VEPH1: variants seen among roughly 807,000 people sequenced by gnomAD.
VEPH1 encodes ventricular zone expressed PH domain containing 1, also known as ventricular zone-expressed PH domain-containing protein homolog 1.
Under a neutral mutation model 85.2 loss-of-function variants are expected in VEPH1, and 80 were observed. The observed-to-expected ratio is 0.94, with a 90% CI of 0.78 to 1.13. VEPH1 has a LOEUF of 1.13. Ranked by LOEUF, VEPH1 falls within the 50% of genes most tolerant of loss-of-function variation. The pLI is 0.00. For missense variants in VEPH1, 955 were observed against 980.5 expected (o/e 0.97, Z 0.35); for synonymous variants, 297 against 348.0 (o/e 0.85, Z 1.63).
intron 7 of VEPH1, among the ~76,000 whole-genome samples, chr3:157,373,667 C>T (rs1727760598): frequency 6.6e-6 from 1 of 152,186 alleles, no homozygotes; most frequent in Admixed American, 6.5e-5. Flanking sequence ...CTTACCTCTT[C>T]TCCCACAAAC....
rs571940235 is a variant in VEPH1, at chr3:157,440,629, TATAC to T, written c.530-12145_530-12142del. Among the ~76,000 whole-genome samples the T allele has an allele frequency of 6.3e-4, 96 of 152,154 alleles. 1 individual carries two copies. The highest frequency in any genetic ancestry group is 2.2e-3 in the African/African-American group (92 of 41,522). ...ACACATTTATATACATATATGTATG[TATAC>T]ATACATACATATCCATATGTATATA... is the stretch of plus-strand genomic sequence containing the variant. On this transcript the variant is annotated intron_variant, in intron 4 of 13. Transcript: ENST00000362010.
intron 9 of VEPH1, among the ~76,000 whole-genome samples, chr3:157,352,546 A>G (rs930456105): frequency 6.6e-6 from 1 of 152,234 alleles, no homozygotes; most frequent in Non-Finnish European, 1.5e-5. Context: ...AACTATGAAC[A>G]ATCTGGCTTA....
At chr3:157,372,304 A>C (rs944786254) in intron 7 of VEPH1, among the ~76,000 whole-genome samples, 1 of 152,236 alleles carries the variant, frequency 6.6e-6, no homozygotes, top group African/African-American at 2.4e-5. Context: ...GATATACTTA[A>C]TCAAAAACAC....
rs111927722 is a variant in VEPH1 at position 157,265,642 on chromosome 3, G to C, written c.2149C>G (p.Pro717Ala). The change falls in exon 13 of 14, where the codon CCT becomes GCT. Residue 717 changes from proline (P) to alanine (A), a missense_variant. Transcript: ENST00000362010. ...TCTTTAAGTTTTCCTTCTATGAGAGGCTGGCCATCTTGATTTACAACTGTT... is the reference window on the plus strand; with the variant it reads ...TCTTTAAGTTTTCCTTCTATGAGAGCCTGGCCATCTTGATTTACAACTGTT... Reference protein sequence around the residue: ...KATVVNQDGQPLIEGKLKEKQ... With the variant: ...KATVVNQDGQALIEGKLKEKQ... 2 of 1,613,192 alleles carry C rather than the reference G, an allele frequency of 1.2e-6. No homozygotes were observed.
At chr3:157,480,020 C>A (rs577964605) in intron 2 of VEPH1, among the ~76,000 whole-genome samples, 1 of 136,544 alleles carries the variant, frequency 7.3e-6, no homozygotes, top group African/African-American at 2.8e-5. Flanking sequence ...TCTTTCTTTT[C>A]TCTTTCTTTC....
At chr3:157,362,099 C>T (rs1438936819) in intron 9 of VEPH1, among the ~76,000 whole-genome samples, 3 of 151,872 alleles carry the variant, frequency 2.0e-5, no homozygotes, top group Admixed American at 6.6e-5. Context: ...GGTGCGATAT[C>T]GGCTCACTGC....
intron 11 of VEPH1, among the ~76,000 whole-genome samples, chr3:157,297,358 G>T (rs1269873585): frequency 6.6e-6 from 1 of 152,060 alleles, no homozygotes; most frequent in Non-Finnish European, 1.5e-5. Flanking sequence ...TTAATGAGAT[G>T]CAAACATAAA....
chr3:157,374,811 A>C (rs547984092), intron 7 of VEPH1, among the ~76,000 whole-genome samples: 1 of 152,296 alleles, frequency 6.6e-6, no homozygotes, highest in Admixed American at 6.5e-5. Context: ...GGTGATGGTA[A>C]AGGTTAGTGG....
chr3:157,501,084 C>T (rs1207818550), intron 1 of VEPH1, among the ~76,000 whole-genome samples: 1 of 152,198 alleles, frequency 6.6e-6, no homozygotes, highest in Non-Finnish European at 1.5e-5. Flanking sequence ...CCATGCCATA[C>T]CTTTTAAAAA....
In VEPH1 at chr3:157,292,192, G is replaced by C. The variant is rs529849980; in HGVS notation, c.2011-5518C>G. Among the ~76,000 whole-genome samples the C allele has an allele frequency of 3.3e-5, 5 of 152,220 alleles. No homozygotes were observed. The East Asian group carries it at 9.6e-4, about 29-fold the overall frequency. ...ACAATCTTTCCACCTCAGCCTCCCA[G>C]AGTGCTGTGATTAGAAGTCCTGAGC... On this transcript the variant is annotated intron_variant, in intron 11 of 13. Coordinates refer to ENST00000362010, the MANE Select transcript of VEPH1 (RefSeq NM_001167912.2).
chr3:157,380,976 A>T, intron 7 of VEPH1, 180 bp downstream of exon 7: 1 of 629,286 alleles, frequency 1.6e-6, no homozygotes, highest in African/African-American at 1.8e-5. Context: ...GTTTTGTTAC[A>T]TTCTGGTTTT....
intron 5 of VEPH1, among the ~76,000 whole-genome samples, chr3:157,417,407 T>A (rs1374969140): frequency 1.3e-5 from 2 of 152,192 alleles, no homozygotes; most frequent in African/African-American, 4.8e-5. Context: ...CTGAAAAAGC[T>A]ACCAAACTGG....
intron 12 of VEPH1, among the ~76,000 whole-genome samples, chr3:157,274,969 C>T (rs1485684862): frequency 6.6e-6 from 1 of 152,196 alleles, no homozygotes; most frequent in Admixed American, 6.5e-5. Flanking sequence ...TCTGTGGTTG[C>T]TTCCTTCTCT....
intron 11 of VEPH1, among the ~76,000 whole-genome samples, chr3:157,297,531 T>TG (rs562678725): frequency 6.6e-6 from 1 of 151,966 alleles, no homozygotes; most frequent in South Asian, 2.1e-4. Context: ...GATAAAGACA[T>TG]GGGGGGTGTA....
At chr3:157,419,909 C>T (rs1259624423) in intron 5 of VEPH1, among the ~76,000 whole-genome samples, 1 of 152,090 alleles carries the variant, frequency 6.6e-6, no homozygotes, top group Admixed American at 6.5e-5. Flanking sequence ...ATACCAAAGA[C>T]ATGGAATCAA....
At chr3:157,313,905 C>A in intron 10 of VEPH1, 150 bp from the exon 11 acceptor site, 1 of 1,035,564 alleles carries the variant, frequency 9.7e-7, no homozygotes, top group Middle Eastern at 2.9e-4. Flanking sequence ...TCTTAAAGAT[C>A]GAACATATGG....
chr3:157,442,502 C>T, intron 4 of VEPH1: 1 of 1,614,172 alleles, frequency 6.2e-7, no homozygotes, highest in African/African-American at 1.3e-5. Context: ...ACAAAACCAT[C>T]CTGTTTTCCT....
rs1288732337 is a variant in VEPH1, at chr3:157,473,072, T to C, written c.139-2543A>G. ...TTTTTGCTGATTAAATGAACCTTTT[T>C]TTTTTTTTTTTTTTTTTTTTGATGG... On this transcript the variant is annotated intron_variant, in intron 2 of 13. Transcript: ENST00000362010. 8.8e-5 allele frequency among the ~76,000 whole-genome samples: 11 copies of C among 124,780 alleles called. 1 individual carries two copies. Among genetic ancestry groups the C allele is most frequent in the Admixed American group, 8.4e-4 (11 of 13,098 alleles). 81.9% of individuals were successfully genotyped at this position (124,780 alleles called of 152,430 possible). A position where few individuals can be genotyped will look rare whatever the true frequency, so the allele number is the denominator to read the frequency against.
chr3:157,383,678 T>C (rs1433915080), intron 6 of VEPH1, among the ~76,000 whole-genome samples: 1 of 152,202 alleles, frequency 6.6e-6, no homozygotes, highest in Non-Finnish European at 1.5e-5. Flanking sequence ...GGGCACAGTG[T>C]CCTGTATGGG....
Sources: gnomAD v4.1 joint callset for allele counts (sites outside exome capture counted in the v4.1 genomes callset) on GRCh38, gnomAD v4.1.1 for gene constraint, MANE v1.5 for transcripts, NCBI Gene and HGNC (gene_info 2026-07-23, HGNC 2026-07-21) for gene names.